The following FHIT variants were observed in gnomAD, a reference collection of about 807,000 sequenced individuals.
FHIT encodes the protein fragile histidine triad diadenosine triphosphatase.
A neutral mutation model predicts 17.9 loss-of-function variants in FHIT; 19 were observed. That is an observed-to-expected ratio of 1.06 (90% CI 0.74 to 1.56). The LOEUF is 1.56. FHIT is among the 40% of genes most tolerant of loss of function. The probability of loss-of-function intolerance (pLI) is 0.00; values close to 1 mark genes in which losing one functional copy is unlikely to be tolerated. For synonymous variants in FHIT, 81 were observed against 69.7 expected (o/e 1.16, Z -0.81); for missense variants, 248 against 189.2 (o/e 1.31, Z -1.82).
At chr3:61,236,842 T>G (rs974727232) in intron 1 of FHIT, among the ~76,000 whole-genome samples, 5 of 152,188 alleles carry the variant, frequency 3.3e-5, no homozygotes, top group African/African-American at 7.2e-5. Flanking sequence ...ATATGCTTCC[T>G]GGCCCACTCA....
intron 7 of FHIT, among the ~76,000 whole-genome samples, chr3:60,010,130 T>TA (rs572922394): frequency 1.1e-3 from 163 of 152,350 alleles, no homozygotes; most frequent in Admixed American, 2.1e-3. Context: ...TACTGAGTTT[T>TA]AAAAAATCTT....
intron 8 of FHIT, among the ~76,000 whole-genome samples, chr3:59,816,014 G>A (rs1013906117): frequency 2.6e-5 from 4 of 152,304 alleles, no homozygotes; most frequent in Admixed American, 2.6e-4. Flanking sequence ...TTGTTGTCAT[G>A]AAGCAAAAAA....
intron 3 of FHIT, among the ~76,000 whole-genome samples, chr3:60,875,940 T>TGTGTGC (rs1559793718): frequency 6.6e-6 from 1 of 151,316 alleles, no homozygotes; most frequent in Non-Finnish European, 1.5e-5. Context: ...TGTGTGTGTG[T>TGTGTGC]GTGTGTGTGT....
rs557408212 is a variant in FHIT at position 60,481,451 on chromosome 3, A to T, written c.103+55409T>A. On this transcript the variant is annotated intron_variant, in intron 5 of 9. Coordinates refer to ENST00000492590, the MANE Select transcript of FHIT (RefSeq NM_002012.4). The stretch of plus-strand genomic sequence containing the variant: ...AAAGGCCAGGTCACCAACAAAGGGA[A>T]TCCCATGAGACTAACAGTGGACCTC... Among the ~76,000 whole-genome samples, 12 of 152,298 alleles carry T rather than the reference A, an allele frequency of 7.9e-5. No homozygotes were observed. The South Asian group carries it at 2.3e-3, about 29-fold the overall frequency.
chr3:60,852,068 T>C (rs1553748572), intron 3 of FHIT, among the ~76,000 whole-genome samples: 1 of 152,094 alleles, frequency 6.6e-6, no homozygotes, highest in Admixed American at 6.5e-5. Flanking sequence ...ACAGATGCAG[T>C]AAAGCAATTG....
rs148393152 is a variant in FHIT at position 61,062,594 on chromosome 3, T to C, written c.-163-20495A>G. On this transcript the variant is annotated intron_variant, in intron 2 of 9. Coordinates refer to ENST00000492590, the MANE Select transcript of FHIT (RefSeq NM_002012.4). ...TGACTCTCCAACGTCAGTAGAGACATTGAGAATGGTTTCCCATGTCCCCAG... is the reference window on the plus strand; with the variant it reads ...TGACTCTCCAACGTCAGTAGAGACACTGAGAATGGTTTCCCATGTCCCCAG... Among the ~76,000 whole-genome samples the C allele has an allele frequency of 1.8e-3, 267 of 152,308 alleles. 2 individuals carry two copies. The highest frequency in any genetic ancestry group is 6.2e-3 in the African/African-American group (256 of 41,578).
chr3:60,889,029 C>G (rs773275985), intron 3 of FHIT, among the ~76,000 whole-genome samples: 4 of 152,100 alleles, frequency 2.6e-5, no homozygotes, highest in African/African-American at 4.8e-5. Context: ...TAACCTTTTT[C>G]GATTACCTAC....
chr3:60,021,575 A>G (rs1448544506), intron 5 of FHIT, among the ~76,000 whole-genome samples: 1 of 152,234 alleles, frequency 6.6e-6, no homozygotes, highest in African/African-American at 2.4e-5. Context: ...TAAAGGAAAG[A>G]AACAATATAT....
chr3:59,935,198 C>G (rs1234681565), intron 7 of FHIT, among the ~76,000 whole-genome samples: 4 of 152,098 alleles, frequency 2.6e-5, no homozygotes, highest in African/African-American at 9.7e-5. Flanking sequence ...ATGTCTCCAT[C>G]TGAAAACGTA....
chr3:61,213,376 C>G (rs1029550958), intron 1 of FHIT, among the ~76,000 whole-genome samples: 1 of 152,146 alleles, frequency 6.6e-6, no homozygotes, highest in African/African-American at 2.4e-5. Flanking sequence ...ATAAAACAGT[C>G]TTTAAACCAA....
At chr3:60,268,829 G>C (rs1385076445) in intron 5 of FHIT, among the ~76,000 whole-genome samples, 2 of 152,028 alleles carry the variant, frequency 1.3e-5, no homozygotes, top group African/African-American at 4.8e-5. Flanking sequence ...CCTTAAGGCA[G>C]GGAGATGATC....
At position 60,134,740 on chromosome 3, in the gene FHIT, C is replaced by T. The variant is rs116374937; in HGVS notation, c.104-120588G>A. Among the ~76,000 whole-genome samples the T allele has an allele frequency of 5.4e-4, 82 of 152,286 alleles. 1 individual carries two copies. Among genetic ancestry groups the T allele is most frequent in the African/African-American group, 1.9e-3 (78 of 41,570 alleles). On this transcript the variant is annotated intron_variant, in intron 5 of 9. Coordinates refer to ENST00000492590, the MANE Select transcript of FHIT (RefSeq NM_002012.4). ...ACATGCTCCTCCAAACATGGAATAGCTATCACTTATTTCAAGTCATCAAAC... is the reference window on the plus strand; with the variant it reads ...ACATGCTCCTCCAAACATGGAATAGTTATCACTTATTTCAAGTCATCAAAC...
chr3:60,040,778 C>T (rs1559574217), intron 5 of FHIT, among the ~76,000 whole-genome samples: 1 of 152,036 alleles, frequency 6.6e-6, no homozygotes, highest in Non-Finnish European at 1.5e-5. Flanking sequence ...TCCAGGGCAC[C>T]AACATGTAGG....
At chr3:60,999,850 G>A (rs1016191135) in intron 3 of FHIT, among the ~76,000 whole-genome samples, 1 of 152,098 alleles carries the variant, frequency 6.6e-6, no homozygotes, top group African/African-American at 2.4e-5. Context: ...TGGAGACTGG[G>A]AAGCCCATCA....
intron 8 of FHIT, among the ~76,000 whole-genome samples, chr3:59,872,150 A>C (rs9827257): frequency 0.035 from 5,316 of 152,258 alleles, 162 homozygotes; most frequent in African/African-American, 0.081. Context: ...GGTCTCCTCA[A>C]GTCACTGGAG....
intron 2 of FHIT, among the ~76,000 whole-genome samples, chr3:61,078,015 T>C (rs1021845658): frequency 6.6e-6 from 1 of 152,096 alleles, no homozygotes; most frequent in Admixed American, 6.6e-5. Flanking sequence ...TTTCTTTAAG[T>C]AGGCACTTTG....
chr3:60,122,507 T>C (rs1705306390), intron 5 of FHIT, among the ~76,000 whole-genome samples: 1 of 152,110 alleles, frequency 6.6e-6, no homozygotes, highest in African/African-American at 2.4e-5. Context: ...GGTAAAAATC[T>C]AGGAGTTAGG....
At chr3:60,713,542 A>C (rs2041598582) in intron 4 of FHIT, among the ~76,000 whole-genome samples, 1 of 151,650 alleles carries the variant, frequency 6.6e-6, no homozygotes. Flanking sequence ...AAGACTAATA[A>C]AGAAAAAAAG....
At chr3:60,284,154 C>G (rs1707604029) in intron 5 of FHIT, among the ~76,000 whole-genome samples, 1 of 152,036 alleles carries the variant, frequency 6.6e-6, no homozygotes, top group Admixed American at 6.6e-5. Flanking sequence ...GAAGAGCAAA[C>G]TGAAAATGAG....
Sources: allele counts gnomAD v4.1 joint callset (sites outside exome capture counted in the v4.1 genomes callset), GRCh38; gene constraint gnomAD v4.1.1; transcripts MANE v1.5; gene names NCBI Gene and HGNC (gene_info 2026-07-23, HGNC 2026-07-21).